The following MYO18B variants were observed in gnomAD, a reference collection of about 807,000 sequenced individuals.
The protein encoded by MYO18B is unconventional myosin-XVIIIb.
A neutral mutation model predicts 273.0 loss-of-function variants in MYO18B; 204 were observed. The ratio of observed to expected loss-of-function variants is 0.75; its 90% CI spans 0.67 to 0.84. The LOEUF is 0.84. MYO18B is among the 40% of genes least tolerant of loss of function. The pLI is 0.00. For missense variants in MYO18B, 3,212 were observed against 3,287.6 expected (o/e 0.98, Z 0.56); for synonymous variants, 1,330 against 1,305.7 (o/e 1.02, Z -0.40).
intron 15 of MYO18B, among the ~76,000 whole-genome samples, chr22:25,829,609 C>T (rs1205758021): frequency 2.6e-5 from 4 of 151,714 alleles, no homozygotes; most frequent in South Asian, 4.1e-4. Flanking sequence ...GAGCCCGAGG[C>T]GGGCGGATCA....
At chr22:25,902,582 G>C (rs751529198) in intron 29 of MYO18B, 31 bp from the exon 30 acceptor site, 1 of 1,595,126 alleles carries the variant, frequency 6.3e-7, no homozygotes, top group Non-Finnish European at 8.5e-7. Flanking sequence ...ACCTGCCTAC[G>C]GGGCCCTGAC....
At chr22:26,055,322 A>G in the MYO18B span, among the ~76,000 whole-genome samples, 2 of 152,202 alleles carry the variant, frequency 1.3e-5, no homozygotes, top group Non-Finnish European at 2.9e-5. Context: ...TTTTAAGTAT[A>G]ACCTCATTAT....
intron 6 of MYO18B, 52 bp from the exon 7 acceptor site, chr22:25,772,282 G>A: frequency 6.4e-7 from 1 of 1,563,324 alleles, no homozygotes; most frequent in Non-Finnish European, 8.7e-7. Context: ...GGTGGGGGCA[G>A]GGGGCCAGAA....
chr22:25,919,807 G>A (rs776503408), intron 33 of MYO18B, among the ~76,000 whole-genome samples: 1 of 152,062 alleles, frequency 6.6e-6, no homozygotes, highest in Non-Finnish European at 1.5e-5. Context: ...CTCAAAACCA[G>A]CAGTAGAGAA....
intron 40 of MYO18B, 85 bp from the exon 41 acceptor site, chr22:26,003,180 C>T (rs2146911080): frequency 8.0e-7 from 1 of 1,257,344 alleles, no homozygotes; most frequent in South Asian, 1.3e-5. Context: ...GGGATTCACA[C>T]TCATGTCTGT....
rs368287942 is a variant in MYO18B at position 25,839,108 on chromosome 22, G to C, written c.3208+3665G>C. Among the ~76,000 whole-genome samples the C allele has an allele frequency of 1.4e-3, 204 of 144,148 alleles. 4 individuals carry two copies. The South Asian group carries it at 0.045, about 32-fold the overall frequency. 94.6% of individuals were successfully genotyped at this position (144,148 alleles called of 152,430 possible). ...TTAGTGTGTATACGTGTGTGCGTGT[G>C]TGTATATATGTATGAGTGTTTGTGT... On this transcript the variant is annotated intron_variant, in intron 17 of 43. Coordinates refer to ENST00000335473, the MANE Select transcript of MYO18B (RefSeq NM_032608.7).
At chr22:25,811,427 G>A (rs1025281470) in intron 12 of MYO18B, among the ~76,000 whole-genome samples, 8 of 152,170 alleles carry the variant, frequency 5.3e-5, no homozygotes, top group Middle Eastern at 3.2e-3. Context: ...CAGTGAGGGC[G>A]TCATGCATAG....
intron 24 of MYO18B, 31 bp from the exon 25 acceptor site, chr22:25,877,928 A>G (rs1268140658): frequency 7.1e-6 from 11 of 1,542,748 alleles, no homozygotes; most frequent in Non-Finnish European, 9.7e-6. Context: ...CTGGCCTGGA[A>G]TGGTTTCTGT....
intron 14 of MYO18B, among the ~76,000 whole-genome samples, chr22:25,826,927 G>C (rs935787356): frequency 6.6e-6 from 1 of 152,088 alleles, no homozygotes; most frequent in Admixed American, 6.6e-5. Flanking sequence ...TGGGCGTGGT[G>C]GTGGGCGCCT....
chr22:26,012,686 G>T (rs561620832), intron 42 of MYO18B, among the ~76,000 whole-genome samples: 51 of 152,288 alleles, frequency 3.3e-4, no homozygotes, highest in African/African-American at 1.2e-3. Flanking sequence ...GTCTTGGATG[G>T]TAGGTCTATG....
chr22:25,781,402 G>A (rs925288347), intron 9 of MYO18B, among the ~76,000 whole-genome samples: 4 of 152,058 alleles, frequency 2.6e-5, no homozygotes, highest in African/African-American at 9.7e-5. Flanking sequence ...GAGGTCAGGA[G>A]ATTGACACTA....
chr22:25,943,360 C>T (rs2092666953), intron 34 of MYO18B, among the ~76,000 whole-genome samples: 1 of 152,194 alleles, frequency 6.6e-6, no homozygotes, highest in Non-Finnish European at 1.5e-5. Flanking sequence ...ATGGCGATCC[C>T]CTCACTGGCT....
the MYO18B span, among the ~76,000 whole-genome samples, chr22:26,047,408 G>A: frequency 6.6e-6 from 1 of 152,058 alleles, no homozygotes; most frequent in Non-Finnish European, 1.5e-5. Flanking sequence ...TTACAGGCGT[G>A]AGCCACCGCG....
rs564168303 is a variant in MYO18B, at chr22:25,780,088, C to T, written c.2101C>T (p.Arg701Trp). Residue 701 changes from arginine (R) to tryptophan (W), a missense_variant, in exon 9 of 44, where the codon CGG becomes TGG. By Grantham distance (101) the Arg-to-Trp change is moderately radical. Transcript: ENST00000335473. ...GATCCGAGCCACCTTCACTGTCCTCCGGGCCTTCGGCTCTGTGTCCATGGC... is the reference window on the plus strand; with the variant it reads ...GATCCGAGCCACCTTCACTGTCCTCTGGGCCTTCGGCTCTGTGTCCATGGC... ...EKIRATFTVL[R>W]AFGSVSMAHS... is the part of the protein sequence containing the mutation. The T allele has an allele frequency of 8.9e-5, 142 of 1,597,256 alleles. No individual in the cohort carries two copies. The highest frequency in any genetic ancestry group is 6.7e-4 in the South Asian group (59 of 87,910).
chr22:25,912,971 G>A (rs2146396988), intron 33 of MYO18B, among the ~76,000 whole-genome samples: 1 of 152,226 alleles, frequency 6.6e-6, no homozygotes, highest in South Asian at 2.1e-4. Flanking sequence ...TTTCTACACA[G>A]CATTCATTTT....
intron 21 of MYO18B, 99 bp downstream of exon 21, chr22:25,851,678 G>T: frequency 2.3e-6 from 2 of 859,936 alleles, no homozygotes; most frequent in Non-Finnish European, 3.8e-6. Flanking sequence ...GCTCATGCCT[G>T]TAATCTCAGT....
intron 11 of MYO18B, among the ~76,000 whole-genome samples, chr22:25,793,034 T>C (rs1294196170): frequency 3.3e-5 from 5 of 152,094 alleles, no homozygotes; most frequent in African/African-American, 1.2e-4. Context: ...GGGCATCAAC[T>C]TGGGCAGCAA....
intron 19 of MYO18B, 48 bp from the exon 20 acceptor site, chr22:25,847,382 T>G (rs1238172590): frequency 6.7e-7 from 1 of 1,485,272 alleles, no homozygotes; most frequent in East Asian, 2.5e-5. Flanking sequence ...GTCCCCTTTC[T>G]GTGTCTCTGT....
intron 42 of MYO18B, among the ~76,000 whole-genome samples, chr22:26,017,243 C>T (rs1379801641): frequency 2.0e-5 from 3 of 151,630 alleles, no homozygotes; most frequent in African/African-American, 7.3e-5. Context: ...ACTATCAACT[C>T]GTAGCTTCTA....
Sources: gnomAD v4.1 joint callset for allele counts (sites outside exome capture counted in the v4.1 genomes callset) on GRCh38, gnomAD v4.1.1 for gene constraint, MANE v1.5 for transcripts, NCBI Gene and HGNC (gene_info 2026-07-23, HGNC 2026-07-21) for gene names.